Variants in GPRASP3 observed in about 807,000 individuals in gnomAD.
GPRASP3 encodes G protein-coupled receptor associated sorting protein family member 3.
At chrX:102,749,857 T>G in the GPRASP3 span, 1 of 1,205,615 alleles carries the variant, frequency 8.3e-7, no homozygotes, top group African/African-American at 1.7e-5. Flanking sequence ...TTCTGACCCC[T>G]GCATCCAGAC....
At chrX:102,737,778 AG>A in the GPRASP3 span, among the ~76,000 whole-genome samples, 1 of 112,147 alleles carries the variant, frequency 8.9e-6, no homozygotes, top group Non-Finnish European at 1.9e-5. Flanking sequence ...TGTCCTGAGA[AG>A]GGGGAGTAGA....
chrX:102,736,255 A>G, the GPRASP3 span, among the ~76,000 whole-genome samples: 1 of 112,345 alleles, frequency 8.9e-6, no homozygotes, highest in Non-Finnish European at 1.9e-5. Flanking sequence ...TTATTTCCCA[A>G]AGATTATTTA....
the GPRASP3 span, chrX:102,749,228 C>T: frequency 1.4e-5 from 17 of 1,210,066 alleles, no homozygotes; most frequent in Non-Finnish European, 1.8e-5. Context: ...CTGTCAGAGC[C>T]TAAGACTCTG....
chrX:102,750,241 C>T, the GPRASP3 span: 1 of 1,199,136 alleles, frequency 8.3e-7, no homozygotes, highest in Non-Finnish European at 1.1e-6. Context: ...CATGTCATTT[C>T]CTTTGAACTC....
the GPRASP3 span, among the ~76,000 whole-genome samples, chrX:102,737,628 C>G: frequency 8.1e-5 from 9 of 111,451 alleles, no homozygotes; most frequent in Admixed American, 3.8e-4. Flanking sequence ...GCAGCCCTAG[C>G]GACCCTGCTT....
chrX:102,737,922 T>G, the GPRASP3 span, among the ~76,000 whole-genome samples: 3 of 110,883 alleles, frequency 2.7e-5, no homozygotes, highest in Non-Finnish European at 5.7e-5. Flanking sequence ...GAATAGCAAT[T>G]GGTCCCTTAA....
At chrX:102,733,159 G>A in the GPRASP3 span, among the ~76,000 whole-genome samples, 1 of 112,316 alleles carries the variant, frequency 8.9e-6, no homozygotes, top group Non-Finnish European at 1.9e-5. Flanking sequence ...CATAAGTTAA[G>A]AATACTCACA....
chrX:102,744,269 A>G, the GPRASP3 span, among the ~76,000 whole-genome samples: 5 of 112,393 alleles, frequency 4.4e-5, no homozygotes, highest in Non-Finnish European at 9.4e-5. Context: ...ATTAATTGCT[A>G]TTAAAAGAAA....
At chrX:102,723,883 T>C in the GPRASP3 span, among the ~76,000 whole-genome samples, 10 of 111,646 alleles carry the variant, frequency 9.0e-5, no homozygotes. Context: ...GTGAAAACTT[T>C]GAACTTCAGG....
the GPRASP3 span, among the ~76,000 whole-genome samples, chrX:102,725,444 T>G: frequency 8.9e-6 from 1 of 112,023 alleles, no homozygotes; most frequent in South Asian, 3.7e-4. Flanking sequence ...CTCCTCGCCC[T>G]TATCCCTTGC....
the GPRASP3 span, among the ~76,000 whole-genome samples, chrX:102,728,750 C>A: frequency 3.7e-5 from 4 of 109,588 alleles, no homozygotes; most frequent in African/African-American, 1.3e-4. Context: ...TTTTTCACTG[C>A]TCTTTAGCTT....
At chrX:102,725,825 G>A in the GPRASP3 span, among the ~76,000 whole-genome samples, 3 of 112,537 alleles carry the variant, frequency 2.7e-5, no homozygotes, top group African/African-American at 6.5e-5. Flanking sequence ...GGGATTACAG[G>A]CGTGAGCCAC....
At chrX:102,749,802 G>A in the GPRASP3 span, 1 of 1,211,309 alleles carries the variant, frequency 8.3e-7, no homozygotes, top group African/African-American at 1.7e-5. Context: ...GCCCTTCTAG[G>A]AACACTCGCT....
the GPRASP3 span, among the ~76,000 whole-genome samples, chrX:102,738,947 T>C: frequency 9.0e-6 from 1 of 111,276 alleles, no homozygotes; most frequent in Non-Finnish European, 1.9e-5. Flanking sequence ...AAGAAGTACA[T>C]TGGTTCTGTC....
the GPRASP3 span, among the ~76,000 whole-genome samples, chrX:102,723,563 A>G: frequency 1.8e-5 from 2 of 112,006 alleles, no homozygotes; most frequent in African/African-American, 6.5e-5. Flanking sequence ...GTATGTCAAC[A>G]GAGAAGACTT....
chrX:102,734,319 G>T, the GPRASP3 span, among the ~76,000 whole-genome samples: 2 of 112,211 alleles, frequency 1.8e-5, no homozygotes, highest in Non-Finnish European at 3.8e-5. Context: ...ACCATTTAAA[G>T]AGGATCAAAA....
the GPRASP3 span, among the ~76,000 whole-genome samples, chrX:102,740,030 CAGA>C: frequency 1.8e-5 from 2 of 112,127 alleles, no homozygotes; most frequent in African/African-American, 6.5e-5. Flanking sequence ...ACACAGAAAA[CAGA>C]AGAATGGGTG....
chrX:102,725,508 G>A, the GPRASP3 span, among the ~76,000 whole-genome samples: 1 of 108,389 alleles, frequency 9.2e-6, no homozygotes, highest in African/African-American at 3.4e-5. Context: ...TATTTTATTT[G>A]CCACTTGGCC....
At chrX:102,736,202 T>G in the GPRASP3 span, among the ~76,000 whole-genome samples, 1 of 112,463 alleles carries the variant, frequency 8.9e-6, no homozygotes, top group Non-Finnish European at 1.9e-5. Flanking sequence ...ATGTCTAAAT[T>G]TTTGAAGATA....
Sources: allele counts gnomAD v4.1 joint callset (sites outside exome capture counted in the v4.1 genomes callset), GRCh38; gene constraint gnomAD v4.1.1; transcripts MANE v1.5; gene names NCBI Gene and HGNC (gene_info 2026-07-23, HGNC 2026-07-21).